SV2B: variants seen among roughly 807,000 people sequenced by gnomAD.
The protein encoded by SV2B is synaptic vesicle glycoprotein 2B, also known as solute carrier family 22 member B2.
A neutral mutation model predicts 73.9 loss-of-function variants in SV2B; 41 were observed. The ratio of observed to expected loss-of-function variants is 0.56; its 90% CI spans 0.43 to 0.72. SV2B has a LOEUF of 0.72. Among genes scored for constraint, SV2B ranks in the 30% least tolerant of loss-of-function variants. The probability of loss-of-function intolerance (pLI) is 0.00; values close to 1 mark genes in which losing one functional copy is unlikely to be tolerated. For missense variants in SV2B, 764 were observed against 857.8 expected (o/e 0.89, Z 1.37); for synonymous variants, 314 against 314.2 (o/e 1.00, Z 0.01).
chr15:91,266,864 G>T (rs2048123570), intron 7 of SV2B, 172 bp downstream of exon 7: 3 of 513,912 alleles, frequency 5.8e-6, no homozygotes, highest in Admixed American at 3.6e-5. Context: ...CCTCTAGCTT[G>T]CTGTGTGCCC....
intron 1 of SV2B, among the ~76,000 whole-genome samples, chr15:91,198,094 A>T (rs556968748): frequency 6.6e-6 from 1 of 152,298 alleles, no homozygotes; most frequent in South Asian, 2.1e-4. Context: ...ATGTAGGAAA[A>T]TATAACTGGT....
chr15:91,199,163 C>T (rs2045370070), intron 1 of SV2B, among the ~76,000 whole-genome samples: 1 of 151,948 alleles, frequency 6.6e-6, no homozygotes, highest in South Asian at 2.1e-4. Flanking sequence ...CAATGCCCAG[C>T]TCTATAAACA....
intron 1 of SV2B, among the ~76,000 whole-genome samples, chr15:91,114,087 G>A (rs1477014678): frequency 2.6e-5 from 4 of 151,042 alleles, no homozygotes; most frequent in African/African-American, 7.3e-5. Flanking sequence ...GGGAGGCTGA[G>A]GCAGGAGAAT....
intron 1 of SV2B, among the ~76,000 whole-genome samples, chr15:91,125,979 T>C (rs1019498855): frequency 9.2e-5 from 14 of 152,016 alleles, no homozygotes; most frequent in African/African-American, 3.4e-4. Flanking sequence ...AGTGCTACTT[T>C]TGGCTGGGTG....
Position 91,281,671 on chromosome 15 carries a change from G to A in SV2B, c.1374-57G>A. 1 of 1,512,802 alleles carries A rather than the reference G, an allele frequency of 6.6e-7. No individual in the cohort carries two copies. The highest frequency in any genetic ancestry group is 8.9e-7 in the Non-Finnish European group (1 of 1,123,286). The allele number at this position is 1,512,802 out of a possible 1,614,324, so 93.7% of individuals were successfully genotyped here. ...CTGCCTTGCTGTGTTTTCCATTTTG[G>A]TCTTAAGTCTCTTTTTTTCTCAGAT... is the stretch of plus-strand genomic sequence containing the variant. On this transcript the variant is annotated intron_variant, in intron 9 of 12. Transcript: ENST00000394232. This position sits in a 1 kb window ranked among gnomAD's most constrained non-coding sequence, Gnocchi z 4.7.
chr15:91,168,602 C>T (rs866847322), intron 1 of SV2B, among the ~76,000 whole-genome samples: 2 of 152,250 alleles, frequency 1.3e-5, no homozygotes, highest in South Asian at 4.1e-4. Flanking sequence ...ATTTTTCCAT[C>T]TGTGCCTGCT....
At position 91,180,036 on chromosome 15, in the gene SV2B, G is replaced by C. The variant is rs957733845; in HGVS notation, c.-391-45837G>C. Among the ~76,000 whole-genome samples the C allele has an allele frequency of 3.5e-3, 527 of 151,878 alleles. 7 individuals carry two copies. Among genetic ancestry groups the C allele is most frequent in the African/African-American group, 0.012 (507 of 41,424 alleles). ...GATTTTGCAGCGGCTGGTACCGGTTGTTCCTTTCCATGTTTAGTGCTTCCT... is the reference window on the plus strand; with the variant it reads ...GATTTTGCAGCGGCTGGTACCGGTTCTTCCTTTCCATGTTTAGTGCTTCCT... On this transcript the variant is annotated intron_variant, in intron 1 of 12. Transcript: ENST00000394232.
chr15:91,157,499 T>C (rs2043531320), intron 1 of SV2B, among the ~76,000 whole-genome samples: 1 of 152,222 alleles, frequency 6.6e-6, no homozygotes, highest in South Asian at 2.1e-4. Flanking sequence ...ATAGCCTTCT[T>C]TGTGATGCTC....
At position 91,224,498 on chromosome 15, in the gene SV2B, G is replaced by A. The variant is rs2046313104; in HGVS notation, c.-391-1375G>A. On this transcript the variant is annotated intron_variant, in intron 1 of 12. Transcript: ENST00000394232. This position sits in a 1 kb window ranked among gnomAD's most constrained non-coding sequence, Gnocchi z 4.9. ...CTTGGAGAGAGCTGTGGGCAAATCT[G>A]GATTTCTGAGCTTGAAGCAGCCCTT... Among the ~76,000 whole-genome samples the A allele has an allele frequency of 6.6e-6, 1 of 152,164 alleles. No homozygotes were observed. Among genetic ancestry groups the A allele is most frequent in the South Asian group, 2.1e-4 (1 of 4,830 alleles).
chr15:91,237,076 C>T (rs933142859), intron 2 of SV2B, among the ~76,000 whole-genome samples: 2 of 151,960 alleles, frequency 1.3e-5, no homozygotes, highest in Non-Finnish European at 2.9e-5. Context: ...TAATAAAGAC[C>T]AGTTCAATTT....
rs2048076117 is a variant in SV2B at position 91,265,721 on chromosome 15, T to C, written c.1009-861T>C. Among the ~76,000 whole-genome samples, 1 of 152,246 alleles carries C rather than the reference T, an allele frequency of 6.6e-6. No individual in the cohort carries two copies. The highest frequency in any genetic ancestry group is 2.1e-4 in the South Asian group (1 of 4,838). ...GTCTGACCTCAGGCGGAAGATCATTTGCAAAGGCTGCATAGCTGGGAGTGG... is the reference window on the plus strand; with the variant it reads ...GTCTGACCTCAGGCGGAAGATCATTCGCAAAGGCTGCATAGCTGGGAGTGG... On this transcript the variant is annotated intron_variant, in intron 6 of 12. Coordinates refer to ENST00000394232, the MANE Select transcript of SV2B (RefSeq NM_001323032.3). This position sits in a 1 kb window ranked among gnomAD's most constrained non-coding sequence, Gnocchi z 4.2.
intron 11 of SV2B, among the ~76,000 whole-genome samples, chr15:91,285,223 T>G (rs2048819905): frequency 6.6e-6 from 1 of 152,222 alleles, no homozygotes; most frequent in Non-Finnish European, 1.5e-5. Context: ...AGCATGCATA[T>G]TCAGCGTGGT....
intron 1 of SV2B, among the ~76,000 whole-genome samples, chr15:91,107,325 A>AT: frequency 6.6e-6 from 1 of 151,694 alleles, no homozygotes; most frequent in Non-Finnish European, 1.5e-5. Context: ...TTATTTATTT[A>AT]TTTTTTGAGA....
chr15:91,177,306 A>G (rs1339040542), intron 1 of SV2B, among the ~76,000 whole-genome samples: 1 of 151,776 alleles, frequency 6.6e-6, no homozygotes, highest in African/African-American at 2.4e-5. Flanking sequence ...CTTGTAGTAT[A>G]GTTTGAAGTC....
chr15:91,203,320 T>C (rs1021805537), intron 1 of SV2B, among the ~76,000 whole-genome samples: 1 of 152,152 alleles, frequency 6.6e-6, no homozygotes, highest in African/African-American at 2.4e-5. Flanking sequence ...CAGAACCAAA[T>C]GGGGCAAGCC....
chr15:91,119,941 T>A (rs2042284209), intron 1 of SV2B, among the ~76,000 whole-genome samples: 1 of 152,268 alleles, frequency 6.6e-6, no homozygotes, highest in Admixed American at 6.5e-5. Context: ...TTTTCCATAT[T>A]TGTAAAAGCT....
chr15:91,230,834 C>T lies in SV2B; in HGVS notation c.451+4120C>T, dbSNP rs148244552. ...AGAGGTCACACAGAGATGTTAAACA[C>T]AAACACCACGACATAATCATGCAAT... On this transcript the variant is annotated intron_variant, in intron 2 of 12. Coordinates refer to ENST00000394232, the MANE Select transcript of SV2B (RefSeq NM_001323032.3). Among the ~76,000 whole-genome samples the T allele has an allele frequency of 5.3e-3, 809 of 152,288 alleles. 7 individuals carry two copies. Among genetic ancestry groups the T allele is most frequent in the African/African-American group, 0.018 (758 of 41,558 alleles).
rs148390627 is a variant in SV2B at position 91,283,233 on chromosome 15, T to C, written c.1508-788T>C. On this transcript the variant is annotated intron_variant, in intron 10 of 12. Transcript: ENST00000394232. The surrounding 1 kb of genome is among the most constrained non-coding windows in gnomAD (Gnocchi z 4.3). ...ACTTGCAAACTGGTTCCAATGCAAA[T>C]GGCTTTTATTTTTTAAGAATGTTCA... Among the ~76,000 whole-genome samples, 56 of 152,282 alleles carry C rather than the reference T, an allele frequency of 3.7e-4. No individual in the cohort carries two copies. In the East Asian group the frequency reaches 9.6e-3, roughly 26 times the overall value.
rs1281401520 is a variant in SV2B, at chr15:91,137,420, T to C, written c.-392+37057T>C. On this transcript the variant is annotated intron_variant, in intron 1 of 12. Coordinates refer to ENST00000394232, the MANE Select transcript of SV2B (RefSeq NM_001323032.3). The surrounding 1 kb of genome is among the most constrained non-coding windows in gnomAD (Gnocchi z 4.9). ...TTTTAACTTATAATTATATTTACAA[T>C]GGATGAAGCAGTTAACAAATCACTA... Among the ~76,000 whole-genome samples, 1 of 151,808 alleles carries C rather than the reference T, an allele frequency of 6.6e-6. No individual in the cohort carries two copies. The highest frequency in any genetic ancestry group is 6.6e-5 in the Admixed American group (1 of 15,226).
Sources: gnomAD v4.1 joint callset for allele counts (sites outside exome capture counted in the v4.1 genomes callset) on GRCh38, gnomAD v4.1.1 for gene constraint, Gnocchi (gnomAD v3.1) non-coding constraint, MANE v1.5 for transcripts, NCBI Gene and HGNC (gene_info 2026-07-23, HGNC 2026-07-21) for gene names.